The following CBFA2T2 variants were observed in gnomAD, a reference collection of about 807,000 sequenced individuals.
CBFA2T2 encodes the protein CBFA2/RUNX1 partner transcriptional co-repressor 2.
In CBFA2T2, 11 loss-of-function variants were observed where a neutral mutation model predicts 62.2. That is an observed-to-expected ratio of 0.18 (90% CI 0.11 to 0.29). CBFA2T2 has a LOEUF of 0.29. Ranked by LOEUF, CBFA2T2 falls within the 10% of genes least tolerant of loss-of-function variation. The pLI is 1.00. For synonymous variants in CBFA2T2, 295 were observed against 287.5 expected, an observed-to-expected ratio of 1.03 and a Z score of -0.27; for missense variants, 592 against 774.1, an observed-to-expected ratio of 0.76 and a Z score of 2.79.
chr20:33,494,975 C>T (rs191420276), intron 1 of CBFA2T2, among the ~76,000 whole-genome samples: 2 of 152,294 alleles, frequency 1.3e-5, no homozygotes, highest in Admixed American at 6.5e-5. Context: ...GCAGTTCCAA[C>T]GTTGTCTTTC....
At position 33,645,794 on chromosome 20, in the gene CBFA2T2, C is replaced by A. The variant is rs2017029051; in HGVS notation, c.*1148C>A. On this transcript the variant is annotated 3_prime_UTR_variant, in exon 11 of 11. Coordinates refer to ENST00000342704, the MANE Select transcript of CBFA2T2 (RefSeq NM_001032999.3). ...CTATGTTGATTTATCATCAGGCACA[C>A]AACTTCTGTTTCCTTCTCTTGTGTT... 6.6e-6 allele frequency: 1 copy of A among 152,208 alleles called. No homozygotes were observed. Among genetic ancestry groups the A allele is most frequent in the Admixed American group, 6.5e-5 (1 of 15,274 alleles). The allele number at this position is 152,208 out of a possible 1,614,324, so 9.4% of individuals were successfully genotyped here.
At chr20:33,643,699 T>C (rs1355830203) in intron 10 of CBFA2T2, among the ~76,000 whole-genome samples, 2 of 133,226 alleles carry the variant, frequency 1.5e-5, no homozygotes. Flanking sequence ...GGCAGATCAC[T>C]TGAGCCCAGG....
intron 1 of CBFA2T2, among the ~76,000 whole-genome samples, chr20:33,594,960 A>T (rs566993148): frequency 6.6e-6 from 1 of 152,248 alleles, no homozygotes; most frequent in Non-Finnish European, 1.5e-5. Flanking sequence ...GTAGATAACT[A>T]TATTATTCTA....
In CBFA2T2 at chr20:33,505,782, C is replaced by CA. The variant is rs1052439648; in HGVS notation, c.34+15492dup. On this transcript the variant is annotated intron_variant, in intron 1 of 10. Transcript: ENST00000342704. ...GGCAACAAGAGCGAAACTCTTGTTTCAAAAAAAAAAAGAAAGAAATGGAAG... is the reference window on the plus strand; with the variant it reads ...GGCAACAAGAGCGAAACTCTTGTTTCAAAAAAAAAAAAGAAAGAAATGGAAG... 1.3e-3 allele frequency among the ~76,000 whole-genome samples: 181 copies of CA among 139,236 alleles called. 1 individual carries two copies. The highest frequency in any genetic ancestry group is 3.6e-3 in the South Asian group (16 of 4,414). The allele number at this position is 139,236 out of a possible 152,430, so 91.3% of individuals were successfully genotyped here.
chr20:33,625,740 A>C (rs755295738), intron 6 of CBFA2T2, among the ~76,000 whole-genome samples: 2 of 152,116 alleles, frequency 1.3e-5, no homozygotes, highest in Non-Finnish European at 2.9e-5. Flanking sequence ...TTGAGGCCAG[A>C]AGTTTGATAC....
rs188980871 is a variant in CBFA2T2 at position 33,530,132 on chromosome 20, C to T, written c.34+39831C>T. ...TAGAGATCAGGTCTCCCTGTGTTGTCCAGGCTGGTCTCGAACTTTTGGACT... is the reference window on the plus strand; with the variant it reads ...TAGAGATCAGGTCTCCCTGTGTTGTTCAGGCTGGTCTCGAACTTTTGGACT... On this transcript the variant is annotated intron_variant, in intron 1 of 10. Coordinates refer to ENST00000342704, the MANE Select transcript of CBFA2T2 (RefSeq NM_001032999.3). Among the ~76,000 whole-genome samples, 30 of 152,110 alleles carry T rather than the reference C, an allele frequency of 2.0e-4. 1 individual carries two copies. The East Asian group carries it at 5.4e-3, about 27-fold the overall frequency.
chr20:33,491,738 G>A (rs1321219707), intron 1 of CBFA2T2, among the ~76,000 whole-genome samples: 1 of 150,226 alleles, frequency 6.7e-6, no homozygotes, highest in Non-Finnish European at 1.5e-5. Flanking sequence ...ATCTTGCTCT[G>A]TCGCCCAGAC....
intron 1 of CBFA2T2, among the ~76,000 whole-genome samples, chr20:33,597,041 G>T (rs1276776792): frequency 1.5e-4 from 23 of 149,854 alleles, no homozygotes; most frequent in Non-Finnish European, 1.2e-4. Flanking sequence ...CCTCCTGTCT[G>T]AGCCTCCAAA....
intron 1 of CBFA2T2, among the ~76,000 whole-genome samples, chr20:33,507,063 G>A (rs2011415486): frequency 6.6e-6 from 1 of 152,076 alleles, no homozygotes; most frequent in Admixed American, 6.6e-5. Flanking sequence ...AATTCAATAT[G>A]TCATTTATTT....
At chr20:33,500,548 A>G (rs907213976) in intron 1 of CBFA2T2, among the ~76,000 whole-genome samples, 1 of 152,058 alleles carries the variant, frequency 6.6e-6, no homozygotes, top group African/African-American at 2.4e-5. Context: ...CGTCTCTAAT[A>G]AAAATACAAA....
chr20:33,606,315 G>A (rs1195151445), intron 1 of CBFA2T2, among the ~76,000 whole-genome samples: 2 of 152,134 alleles, frequency 1.3e-5, no homozygotes, highest in Non-Finnish European at 2.9e-5. Flanking sequence ...ACTATCTAAA[G>A]ACTGCTAACT....
At chr20:33,636,577 C>A (rs2016639948) in intron 8 of CBFA2T2, 63 bp from the exon 9 acceptor site, 2 of 1,262,944 alleles carry the variant, frequency 1.6e-6, no homozygotes, top group Admixed American at 1.9e-5. Flanking sequence ...GAAATCTGAT[C>A]AAAAATAAAA....
chr20:33,623,954 GAAAA>G, intron 5 of CBFA2T2: 9 of 320,090 alleles, frequency 2.8e-5, no homozygotes, highest in South Asian at 6.3e-5. Flanking sequence ...GAAAGAATTG[GAAAA>G]AAAAAAAAAA....
intron 1 of CBFA2T2, among the ~76,000 whole-genome samples, chr20:33,567,904 A>G (rs533522621): frequency 5.4e-4 from 82 of 152,156 alleles, no homozygotes; most frequent in Non-Finnish European, 1.1e-3. Context: ...ACTTTATCGT[A>G]GGTATGTATG....
chr20:33,627,188 G>A lies in CBFA2T2; in HGVS notation c.947-1162G>A, dbSNP rs535041408. 1.3e-4 allele frequency among the ~76,000 whole-genome samples: 20 copies of A among 152,220 alleles called. No homozygotes were observed. In the East Asian group the frequency reaches 3.7e-3, roughly 28 times the overall value. On this transcript the variant is annotated intron_variant, in intron 6 of 10. Coordinates refer to ENST00000342704, the MANE Select transcript of CBFA2T2 (RefSeq NM_001032999.3). ...CTAGGTGGGCGAATCGTGAGGTCAG[G>A]AGATCGAGACCATCCTGGCTAACAT...
intron 10 of CBFA2T2, among the ~76,000 whole-genome samples, chr20:33,641,657 CACCGCA>C (rs2016843373): frequency 6.6e-6 from 1 of 152,160 alleles, no homozygotes; most frequent in South Asian, 2.1e-4. Flanking sequence ...GGTCTCGGCT[CACCGCA>C]ACCTCTACCT....
At chr20:33,614,061 G>A (rs2015618744) in intron 3 of CBFA2T2, among the ~76,000 whole-genome samples, 3 of 150,874 alleles carry the variant, frequency 2.0e-5, no homozygotes, top group African/African-American at 7.3e-5. Context: ...CTTGCAGTGA[G>A]CCAAGATCGT....
At chr20:33,582,937 C>CT (rs1416916211) in intron 1 of CBFA2T2, among the ~76,000 whole-genome samples, 4 of 148,158 alleles carry the variant, frequency 2.7e-5, no homozygotes, top group East Asian at 2.0e-4. Flanking sequence ...GCAAGACAGT[C>CT]TAAAAAAAAA....
intron 10 of CBFA2T2, 22 bp downstream of exon 10, chr20:33,640,553 G>C: frequency 1.2e-6 from 2 of 1,611,946 alleles, no homozygotes; most frequent in Non-Finnish European, 1.7e-6. Flanking sequence ...GCGCCCTGGG[G>C]GCTGGGGTGA....
Sources: gnomAD v4.1 joint callset for allele counts (sites outside exome capture counted in the v4.1 genomes callset) on GRCh38, gnomAD v4.1.1 for gene constraint, MANE v1.5 for transcripts, NCBI Gene and HGNC (gene_info 2026-07-23, HGNC 2026-07-21) for gene names.